APBB2: variants seen among roughly 807,000 people sequenced by gnomAD.
APBB2 encodes amyloid beta precursor protein binding family B member 2.
Under a neutral mutation model 82.5 loss-of-function variants are expected in APBB2, and 38 were observed. That is an observed-to-expected ratio of 0.46 (90% CI 0.36 to 0.60). APBB2 has a LOEUF of 0.60. Among genes scored for constraint, APBB2 ranks in the 20% least tolerant of loss-of-function variants. APBB2 has a pLI of 0.00. For synonymous variants in APBB2, 341 were observed against 368.2 expected (o/e 0.93, Z 0.85); for missense variants, 772 against 972.3 (o/e 0.79, Z 2.74).
At chr4:40,861,217 G>A (rs1246089777) in intron 12 of APBB2, among the ~76,000 whole-genome samples, 2 of 152,144 alleles carry the variant, frequency 1.3e-5, no homozygotes, top group South Asian at 2.1e-4. Context: ...GGGCGTGGTG[G>A]CACGTGCCTG....
intron 1 of APBB2, among the ~76,000 whole-genome samples, chr4:41,164,166 C>G (rs376334940): frequency 6.6e-6 from 1 of 152,094 alleles, no homozygotes; most frequent in African/African-American, 2.4e-5. Context: ...AAATTTTACA[C>G]AATATTTTTA....
chr4:40,912,532 G>A (rs953334030), intron 10 of APBB2, among the ~76,000 whole-genome samples: 8 of 150,712 alleles, frequency 5.3e-5, no homozygotes, highest in African/African-American at 2.0e-4. Flanking sequence ...AGCTGAGATC[G>A]TGCCACTGCA....
Position 41,117,759 on chromosome 4 carries a change from T to C in APBB2, c.-260-17009A>G, listed in dbSNP as rs151303374. Among the ~76,000 whole-genome samples the C allele has an allele frequency of 6.6e-5, 10 of 152,284 alleles. No individual in the cohort carries two copies. The East Asian group carries it at 1.9e-3, about 29-fold the overall frequency. On this transcript the variant is annotated intron_variant, in intron 2 of 17. Coordinates refer to ENST00000508593, the MANE Select transcript of APBB2 (RefSeq NM_004307.2). Reference sequence around the variant, plus strand: ...GTGTGGTGTCATTTGCACCATGGCTTGATCCTTCCCTACTCTATTATACCA... The same window carrying C: ...GTGTGGTGTCATTTGCACCATGGCTCGATCCTTCCCTACTCTATTATACCA...
chr4:40,936,455 T>C (rs751495843), intron 7 of APBB2, among the ~76,000 whole-genome samples: 2 of 152,126 alleles, frequency 1.3e-5, no homozygotes, highest in African/African-American at 2.4e-5. Flanking sequence ...GGGGGTTCCA[T>C]TATGCTACCC....
chr4:40,871,670 C>T (rs1239048301), intron 12 of APBB2, among the ~76,000 whole-genome samples: 4 of 152,184 alleles, frequency 2.6e-5, no homozygotes, highest in Non-Finnish European at 5.9e-5. Context: ...TAATGCTACA[C>T]CCTGTAGTCC....
intron 12 of APBB2, among the ~76,000 whole-genome samples, chr4:40,836,899 A>G (rs1399780964): frequency 6.6e-6 from 1 of 152,222 alleles, no homozygotes; most frequent in African/African-American, 2.4e-5. Flanking sequence ...AATTGAGAAG[A>G]TAGTAAACAA....
At chr4:40,925,360 T>C (rs1315545225) in intron 10 of APBB2, among the ~76,000 whole-genome samples, 1 of 152,214 alleles carries the variant, frequency 6.6e-6, no homozygotes, top group African/African-American at 2.4e-5. Flanking sequence ...TGAGGTTGGC[T>C]CCATCATTAC....
chr4:41,134,154 T>C (rs1427729290), intron 2 of APBB2, among the ~76,000 whole-genome samples: 9 of 152,084 alleles, frequency 5.9e-5, no homozygotes, highest in African/African-American at 2.2e-4. Context: ...TTTAAGTTAA[T>C]TAATTTTTTG....
chr4:40,847,219 T>C (rs111805424), intron 12 of APBB2, among the ~76,000 whole-genome samples: 3,635 of 152,210 alleles, frequency 0.024, 154 homozygotes, highest in African/African-American at 0.083. Context: ...TCCCAGCACT[T>C]TGGGAGGTTG....
intron 3 of APBB2, among the ~76,000 whole-genome samples, chr4:41,077,130 G>C (rs927648445): frequency 1.3e-5 from 2 of 150,394 alleles, no homozygotes; most frequent in Admixed American, 6.6e-5. Context: ...TCAACTTCCC[G>C]AGTAACTAGG....
rs192066900 is a variant in APBB2, at chr4:40,842,208, C to T, written c.1530-11631G>A. ...GCAATTCCAGACTCTGTTTTAAATG[C>T]TGGTGATAAGAGGCGAAACAAAACA... On this transcript the variant is annotated intron_variant, in intron 12 of 17. Coordinates refer to ENST00000508593, the MANE Select transcript of APBB2 (RefSeq NM_004307.2). 2.0e-5 allele frequency among the ~76,000 whole-genome samples: 3 copies of T among 152,326 alleles called. No individual in the cohort carries two copies. The East Asian group carries it at 5.8e-4, about 29-fold the overall frequency.
Position 40,815,938 on chromosome 4 carries a change from A to T in APBB2, c.*154T>A. Reference sequence around the variant, plus strand: ...CATATCACATGATGGTGGCAAGACGAGAGAACATGCTTGTCTAACACTGCT... The same window carrying T: ...CATATCACATGATGGTGGCAAGACGTGAGAACATGCTTGTCTAACACTGCT... On this transcript the variant is annotated 3_prime_UTR_variant, in exon 18 of 18. Transcript: ENST00000508593. The T allele has an allele frequency of 1.2e-6, 1 of 832,694 alleles. No individual in the cohort carries two copies. The highest frequency in any genetic ancestry group is 1.9e-6 in the Non-Finnish European group (1 of 526,650). The allele number at this position is 832,694 out of a possible 1,614,324, so 51.6% of individuals were successfully genotyped here.
chr4:41,094,900 T>C (rs1181229714), intron 3 of APBB2, among the ~76,000 whole-genome samples: 2 of 152,170 alleles, frequency 1.3e-5, no homozygotes, highest in African/African-American at 4.8e-5. Flanking sequence ...TTATCTGCCA[T>C]ATTTTATTAA....
At chr4:40,820,191 C>T (rs537566597) in intron 17 of APBB2, among the ~76,000 whole-genome samples, 2 of 152,192 alleles carry the variant, frequency 1.3e-5, no homozygotes, top group Admixed American at 6.5e-5. Flanking sequence ...CCAGGCAGCT[C>T]GGTGCTTCTC....
intron 12 of APBB2, among the ~76,000 whole-genome samples, chr4:40,882,383 G>C (rs573006624): frequency 1.3e-5 from 2 of 152,162 alleles, no homozygotes; most frequent in African/African-American, 4.8e-5. Flanking sequence ...AGGCTTGAAG[G>C]AGGGACCCCA....
At chr4:40,949,600 G>C (rs1384612257) in intron 6 of APBB2, among the ~76,000 whole-genome samples, 1 of 151,996 alleles carries the variant, frequency 6.6e-6, no homozygotes, top group Non-Finnish European at 1.5e-5. Flanking sequence ...CGAGACGAGA[G>C]GGAGCACAAG....
intron 12 of APBB2, among the ~76,000 whole-genome samples, chr4:40,846,602 A>G (rs1055773334): frequency 1.8e-4 from 27 of 152,208 alleles, no homozygotes; most frequent in African/African-American, 6.0e-4. Context: ...TCTCTGACCA[A>G]GTGTGCCTTC....
intron 17 of APBB2, among the ~76,000 whole-genome samples, chr4:40,820,056 A>G (rs1363927868): frequency 6.6e-6 from 1 of 152,208 alleles, no homozygotes; most frequent in African/African-American, 2.4e-5. Flanking sequence ...CTCCCCCACT[A>G]TACCTGAGCT....
chr4:40,883,997 G>A (rs1769480178), intron 12 of APBB2, among the ~76,000 whole-genome samples: 1 of 152,200 alleles, frequency 6.6e-6, no homozygotes, highest in African/African-American at 2.4e-5. Context: ...CAATGAAGAA[G>A]CCAGACTGTA....
Sources: gnomAD v4.1 joint callset for allele counts (sites outside exome capture counted in the v4.1 genomes callset) on GRCh38, gnomAD v4.1.1 for gene constraint, MANE v1.5 for transcripts, NCBI Gene and HGNC (gene_info 2026-07-23, HGNC 2026-07-21) for gene names.